The following GDAP1 variants were observed in gnomAD, a reference collection of about 807,000 sequenced individuals.
The protein encoded by GDAP1 is ganglioside-induced differentiation-associated protein 1.
Under a neutral mutation model 40.1 loss-of-function variants are expected in GDAP1, and 34 were observed. That is an observed-to-expected ratio of 0.85 (90% CI 0.64 to 1.13). The LOEUF is 1.13. Ranked by LOEUF, GDAP1 falls within the 50% of genes most tolerant of loss-of-function variation. The probability of loss-of-function intolerance (pLI) is 0.00; values close to 1 mark genes in which losing one functional copy is unlikely to be tolerated. For synonymous variants in GDAP1, 170 were observed against 157.4 expected (o/e 1.08, Z -0.60); for missense variants, 374 against 433.7 (o/e 0.86, Z 1.22).
chr8:74,429,318 TA>T (rs1385751898), intron 2 of GDAP1, among the ~76,000 whole-genome samples: 9 of 152,062 alleles, frequency 5.9e-5, no homozygotes, highest in Admixed American at 5.9e-4. Flanking sequence ...ATATATATAA[TA>T]AAAAAGTCTA....
In GDAP1 at chr8:74,387,611, A is replaced by G. The variant is rs1586818080; in HGVS notation, c.165+36290A>G. Reference sequence around the variant, plus strand: ...TATTTTATTGAGGATTTTTGTATCAATGTTCATCAGGGATATTAGCCCGAA... The same window carrying G: ...TATTTTATTGAGGATTTTTGTATCAGTGTTCATCAGGGATATTAGCCCGAA... On this transcript the variant is annotated intron_variant, in intron 2 of 2. Coordinates refer to the GDAP1 transcript ENST00000523640. Among the ~76,000 whole-genome samples the G allele has an allele frequency of 2.6e-5, 4 of 152,298 alleles. No homozygotes were observed. The South Asian group carries it at 8.3e-4, about 32-fold the overall frequency.
At chr8:74,488,601 A>T (rs991909340) in intron 2 of GDAP1, 4 of 152,204 alleles carry the variant, frequency 2.6e-5, no homozygotes, top group Non-Finnish European at 5.9e-5. Flanking sequence ...GTTCTTACAA[A>T]CTATATAATT....
rs193102353 is a variant in GDAP1, at chr8:74,410,452, G to A, written c.165+59131G>A. On this transcript the variant is annotated intron_variant, in intron 2 of 2. Coordinates refer to the GDAP1 transcript ENST00000523640. ...ATTAGACAAGACATAATTAAAAATA[G>A]TTATTTACAGTTCAGTATTAGAGTT... 6.1e-4 allele frequency among the ~76,000 whole-genome samples: 91 copies of A among 150,282 alleles called. 1 individual carries two copies. Among genetic ancestry groups the A allele is most frequent in the Middle Eastern group, 6.8e-3 (2 of 294 alleles).
intron 2 of GDAP1, among the ~76,000 whole-genome samples, chr8:74,422,352 C>CTTTCTTTCTTTCCTTCCTT (rs1563465558): frequency 2.9e-5 from 1 of 34,222 alleles, no homozygotes; most frequent in African/African-American, 1.0e-4. Flanking sequence ...TTTCTTTCTT[C>CTTTCTTTCTTTCCTTCCTT]CCTTCCTTCC....
chr8:74,360,423 G>A (rs1809308552), intron 3 of GDAP1, 113 bp downstream of exon 3: 3 of 918,906 alleles, frequency 3.3e-6, no homozygotes, highest in Non-Finnish European at 5.4e-6. Flanking sequence ...GGGTTGTTGA[G>A]TTTGCTTCAT....
chr8:74,397,597 A>G (rs1810231049), intron 2 of GDAP1, among the ~76,000 whole-genome samples: 1 of 152,062 alleles, frequency 6.6e-6, no homozygotes, highest in South Asian at 2.1e-4. Context: ...TCCCAGCACC[A>G]TTTATTAAAT....
intron 2 of GDAP1, among the ~76,000 whole-genome samples, chr8:74,373,396 A>G (rs1809789923): frequency 6.6e-6 from 1 of 152,166 alleles, no homozygotes; most frequent in Non-Finnish European, 1.5e-5. Context: ...TGAGCATGGA[A>G]TGTTCTTCCA....
chr8:74,397,199 GTT>G (rs144276375), intron 2 of GDAP1, among the ~76,000 whole-genome samples: 2,738 of 144,460 alleles, frequency 0.019, 29 homozygotes, highest in Middle Eastern at 0.078. Flanking sequence ...TTTTTGATGG[GTT>G]TTTTTTTTTT....
chr8:74,446,256 CTCA>C (rs1806225165), intron 2 of GDAP1, among the ~76,000 whole-genome samples: 1 of 152,058 alleles, frequency 6.6e-6, no homozygotes. Flanking sequence ...GGAAAAAGCC[CTCA>C]TCAGAATTTC....
intron 2 of GDAP1, among the ~76,000 whole-genome samples, chr8:74,485,719 A>G (rs1044595932): frequency 3.9e-5 from 6 of 152,126 alleles, no homozygotes; most frequent in Admixed American, 6.6e-5. Flanking sequence ...AAAAAATCAC[A>G]GAAGCAGGAA....
chr8:74,397,657 G>C (rs1563457420), intron 2 of GDAP1, among the ~76,000 whole-genome samples: 1 of 152,094 alleles, frequency 6.6e-6, no homozygotes, highest in African/African-American at 2.4e-5. Flanking sequence ...TGAAAGATCA[G>C]ATAGTTGTAG....
rs375713772 is a variant in GDAP1, at chr8:74,351,409, A to G, written c.253A>G (p.Asn85Asp). Residue 85 changes from asparagine to aspartate, a missense_variant, in exon 2 of 6, where the codon AAC becomes GAC. Coordinates refer to ENST00000220822, the MANE Select transcript of GDAP1 (RefSeq NM_018972.4). The part of the protein sequence containing the change: ...GEVPVLIHGE[N>D]IICEATQIID... ...AGTGCCTGTCCTTATCCACGGGGAA[A>G]ACATAATTTGTGAGGCCACTCAGAT... 1.2e-6 allele frequency: 2 copies of G among 1,613,994 alleles called. No individual in the cohort carries two copies. The highest frequency in any genetic ancestry group is 2.7e-5 in the African/African-American group (2 of 74,936).
intron 2 of GDAP1, among the ~76,000 whole-genome samples, chr8:74,448,915 C>T (rs1161946426): frequency 6.6e-6 from 1 of 151,942 alleles, no homozygotes; most frequent in Admixed American, 6.6e-5. Flanking sequence ...TCCAAATTAG[C>T]AATTAAAAAG....
At position 74,351,464 on chromosome 8, in the gene GDAP1, A is replaced by T. The variant is rs1064793135; in HGVS notation, c.308A>T (p.Asp103Val). ...IIDYLEQTFL[D>V]ERTPRLMPDK... ...GATTATCTTGAACAGACTTTCCTGG[A>T]TGGTAATGTTAAGGCTACTTGCGAT... Residue 103 changes from aspartate (D) to valine (V), a missense_variant and splice_region_variant, in exon 2 of 6, where the codon GAT (aspartate) becomes GTT (valine). Asp to Val is a radical substitution (Grantham distance 152). Coordinates refer to ENST00000220822, the MANE Select transcript of GDAP1 (RefSeq NM_018972.4). The T allele has an allele frequency of 6.2e-7, 1 of 1,609,552 alleles. No individual in the cohort carries two copies.
At position 74,364,256 on chromosome 8, in the gene GDAP1, G is replaced by C. The variant is rs768729647; in HGVS notation, c.966G>C (p.Thr322=). The C allele has an allele frequency of 1.5e-5, 25 of 1,614,180 alleles. No homozygotes were observed. The highest frequency in any genetic ancestry group is 2.1e-5 in the Non-Finnish European group (25 of 1,180,020). ...AKKRAPKVLG[T]TLVVGLLAGV... ...AAAGGGCCCCAAAAGTTCTTGGCAC[G>C]ACCCTTGTGGTTGGTTTGCTTGCAG... Residue 322 remains threonine, a synonymous_variant, in exon 6 of 6, where the codon ACG becomes ACC. Coordinates refer to ENST00000220822, the MANE Select transcript of GDAP1 (RefSeq NM_018972.4).
intron 4 of GDAP1, 73 bp from the exon 5 acceptor site, chr8:74,362,866 C>G (rs1168010712): frequency 4.5e-5 from 24 of 531,618 alleles, no homozygotes; most frequent in Non-Finnish European, 7.5e-5. Context: ...GAGTTTGTAT[C>G]TGCTTTACCT....
intron 2 of GDAP1, among the ~76,000 whole-genome samples, chr8:74,395,615 A>G (rs1343827175): frequency 1.3e-5 from 2 of 152,204 alleles, no homozygotes; most frequent in Non-Finnish European, 1.5e-5. Context: ...GCGCATTGCC[A>G]TTTAGTAATT....
At chr8:74,403,834 TA>T (rs1176325839) in intron 2 of GDAP1, among the ~76,000 whole-genome samples, 2 of 150,210 alleles carry the variant, frequency 1.3e-5, no homozygotes, top group East Asian at 3.8e-4. Context: ...AACTGAGATT[TA>T]AAAACTCAAT....
intron 2 of GDAP1, 98 bp downstream of exon 2, chr8:74,351,564 T>A: frequency 1.1e-6 from 1 of 945,478 alleles, no homozygotes; most frequent in Non-Finnish European, 1.7e-6. Context: ...CTTTCTCTTG[T>A]GTCATGATGG....
Sources: gnomAD v4.1 joint callset for allele counts (sites outside exome capture counted in the v4.1 genomes callset) on GRCh38, gnomAD v4.1.1 for gene constraint, MANE v1.5 for transcripts, NCBI Gene and HGNC (gene_info 2026-07-23, HGNC 2026-07-21) for gene names.